Variants in PRKCE observed in about 807,000 individuals in gnomAD.
PRKCE encodes the protein protein kinase C epsilon.
In PRKCE, 16 loss-of-function variants were observed where a neutral mutation model predicts 85.4. The observed-to-expected ratio is 0.19, with a 90% confidence interval of 0.13 to 0.28. The LOEUF is 0.28. Ranked by LOEUF, PRKCE falls within the 10% of genes least tolerant of loss-of-function variation. PRKCE has a pLI of 1.00. For missense variants in PRKCE, 573 were observed against 975.2 expected (o/e 0.59, Z 5.49); for synonymous variants, 388 against 371.5 (o/e 1.04, Z -0.51).
At chr2:46,163,895 G>A (rs560378864) in intron 14 of PRKCE, among the ~76,000 whole-genome samples, 41 of 112,414 alleles carry the variant, frequency 3.6e-4, no homozygotes, top group African/African-American at 8.3e-4. Context: ...AAGGTGAGGT[G>A]CACCCCACAG....
chr2:45,769,268 A>C (rs1371512879), intron 1 of PRKCE, among the ~76,000 whole-genome samples: 3 of 152,158 alleles, frequency 2.0e-5, no homozygotes, highest in Non-Finnish European at 2.9e-5. Context: ...ACTGTGAGTC[A>C]AGCTGCATTT....
chr2:46,160,997 T>C (rs1305897462), intron 14 of PRKCE, among the ~76,000 whole-genome samples: 2 of 152,240 alleles, frequency 1.3e-5, no homozygotes, highest in Non-Finnish European at 2.9e-5. Flanking sequence ...GTTTTCATGT[T>C]TTCACTGGAT....
chr2:45,993,136 C>T (rs1703941222), intron 6 of PRKCE, among the ~76,000 whole-genome samples: 1 of 150,576 alleles, frequency 6.6e-6, no homozygotes, highest in South Asian at 2.1e-4. Context: ...CCTTGGTGCT[C>T]CCCAGTAGTG....
chr2:45,801,351 A>T (rs138850285), intron 1 of PRKCE, among the ~76,000 whole-genome samples: 39 of 151,636 alleles, frequency 2.6e-4, no homozygotes, highest in African/African-American at 7.5e-4. Context: ...TGTGAAGGGG[A>T]GAAGGCCAGA....
chr2:46,049,709 G>A (rs918595429), intron 10 of PRKCE, among the ~76,000 whole-genome samples: 13 of 152,270 alleles, frequency 8.5e-5, no homozygotes, highest in Non-Finnish European at 1.5e-4. Flanking sequence ...CTGCATTCTC[G>A]TAAATCCCAC....
chr2:46,111,295 T>C (rs954423785), intron 11 of PRKCE, among the ~76,000 whole-genome samples: 1 of 152,234 alleles, frequency 6.6e-6, no homozygotes, highest in Non-Finnish European at 1.5e-5. Context: ...TGTCTGTTTC[T>C]CCTTTCAGTT....
chr2:46,067,749 G>T (rs1438081131), intron 10 of PRKCE, among the ~76,000 whole-genome samples: 1 of 152,210 alleles, frequency 6.6e-6, no homozygotes, highest in Non-Finnish European at 1.5e-5. Context: ...GAGCCTGGGG[G>T]TCTACAGTGG....
chr2:45,883,674 CATGCT>C (rs1271222994), intron 2 of PRKCE, among the ~76,000 whole-genome samples: 2 of 152,136 alleles, frequency 1.3e-5, no homozygotes, highest in Non-Finnish European at 2.9e-5. Context: ...ACTACCATGC[CATGCT>C]ACACTCCCTA....
At chr2:45,822,702 T>C (rs1689633501) in intron 1 of PRKCE, among the ~76,000 whole-genome samples, 1 of 152,180 alleles carries the variant, frequency 6.6e-6, no homozygotes, top group Non-Finnish European at 1.5e-5. Flanking sequence ...GGGCAAGACG[T>C]CCGAATCCGT....
At chr2:45,658,488 C>T (rs553258525) in intron 1 of PRKCE, among the ~76,000 whole-genome samples, 1 of 152,320 alleles carries the variant, frequency 6.6e-6, no homozygotes, top group Admixed American at 6.5e-5. Flanking sequence ...ATGGACCGCT[C>T]TCCCTGGATT....
chr2:45,730,356 C>T (rs1482961576), intron 1 of PRKCE, among the ~76,000 whole-genome samples: 1 of 151,940 alleles, frequency 6.6e-6, no homozygotes, highest in Non-Finnish European at 1.5e-5. Flanking sequence ...TGGAGTCTTG[C>T]TGTGTTGCCC....
intron 2 of PRKCE, among the ~76,000 whole-genome samples, chr2:45,871,430 CA>C (rs1489387580): frequency 6.6e-6 from 1 of 152,170 alleles, no homozygotes; most frequent in Admixed American, 6.5e-5. Flanking sequence ...AATCTGGGGT[CA>C]GGGGTGAAGG....
intron 7 of PRKCE, among the ~76,000 whole-genome samples, chr2:46,003,763 G>A (rs935345233): frequency 2.0e-5 from 3 of 152,204 alleles, no homozygotes; most frequent in Admixed American, 6.5e-5. Context: ...AAGGTCAATT[G>A]TATTTGGATA....
chr2:45,894,296 G>T (rs984773059), intron 2 of PRKCE, among the ~76,000 whole-genome samples: 8 of 151,864 alleles, frequency 5.3e-5, no homozygotes, highest in East Asian at 1.9e-4. Context: ...AATAAAGGAG[G>T]ATTGAGGAAA....
chr2:45,800,499 G>T (rs1165577207), intron 1 of PRKCE, among the ~76,000 whole-genome samples: 1 of 152,248 alleles, frequency 6.6e-6, no homozygotes, highest in Admixed American at 6.5e-5. Context: ...TCAGCAGTTG[G>T]CTACAGGCTC....
intron 10 of PRKCE, among the ~76,000 whole-genome samples, chr2:46,012,973 A>G (rs999296342): frequency 1.1e-4 from 17 of 152,132 alleles, no homozygotes; most frequent in Admixed American, 2.0e-4. Flanking sequence ...GATATTTACT[A>G]TCTTTTCTCA....
intron 1 of PRKCE, among the ~76,000 whole-genome samples, chr2:45,838,955 C>T (rs970635048): frequency 2.6e-5 from 4 of 152,068 alleles, no homozygotes; most frequent in Middle Eastern, 3.4e-3. Flanking sequence ...TATTTTATGC[C>T]GGTGCCTTTG....
chr2:46,076,288 C>T (rs1404330342), intron 10 of PRKCE, among the ~76,000 whole-genome samples: 1 of 152,198 alleles, frequency 6.6e-6, no homozygotes, highest in Non-Finnish European at 1.5e-5. Flanking sequence ...TCCATTTGTG[C>T]TGTCATATCA....
chr2:45,777,849 A>G (rs1685870912), intron 1 of PRKCE, among the ~76,000 whole-genome samples: 1 of 152,178 alleles, frequency 6.6e-6, no homozygotes, highest in Non-Finnish European at 1.5e-5. Context: ...TCATGGAGGT[A>G]TGATCTTTTT....
Sources: gnomAD v4.1 joint callset for allele counts (sites outside exome capture counted in the v4.1 genomes callset) on GRCh38, gnomAD v4.1.1 for gene constraint, MANE v1.5 for transcripts, NCBI Gene and HGNC (gene_info 2026-07-23, HGNC 2026-07-21) for gene names.